MTCL1: variants seen among roughly 807,000 people sequenced by gnomAD.
MTCL1 encodes microtubule crosslinking factor 1, also known as microtubule cross-linking factor 1.
Under a neutral mutation model 141.4 loss-of-function variants are expected in MTCL1, and 79 were observed. The ratio of observed to expected loss-of-function variants is 0.56; its 90% CI spans 0.47 to 0.67. MTCL1 has a LOEUF of 0.67. MTCL1 is among the 30% of genes least tolerant of loss of function. The probability of loss-of-function intolerance (pLI) is 0.00; values close to 1 mark genes in which losing one functional copy is unlikely to be tolerated. For synonymous variants in MTCL1, 914 were observed against 875.8 expected (o/e 1.04, Z -0.77); for missense variants, 2,177 against 2,113.9 (o/e 1.03, Z -0.59).
At chr18:8,824,585 T>G in intron 14 of MTCL1, 114 bp from the exon 14 acceptor site, 1 of 788,676 alleles carries the variant, frequency 1.3e-6, no homozygotes, top group Non-Finnish European at 2.0e-6. Context: ...TCTCCTGGTG[T>G]GGGTGGCAGC....
intron 7 of MTCL1, chr18:8,786,418 A>C: frequency 1.9e-6 from 1 of 536,684 alleles, no homozygotes; most frequent in East Asian, 4.4e-5. Context: ...GTCGCAGAGA[A>C]AGAAGGGATG....
In MTCL1 at chr18:8,828,797, A is replaced by G; in HGVS notation, c.4723-111A>G. The G allele has an allele frequency of 6.4e-7, 1 of 1,551,156 alleles. No homozygotes were observed. The highest frequency in any genetic ancestry group is 1.2e-5 in the South Asian group (1 of 84,932). On this transcript the variant is annotated intron_variant, in intron 15 of 16. Coordinates refer to ENST00000359865, the Ensembl canonical transcript of MTCL1. The surrounding 1 kb of genome is among the most constrained non-coding windows in gnomAD (Gnocchi z 5.2). ...TGGTGGCTACCCCTGAGCGAGAGGG[A>G]TGGTCCTCTACCTCCGGGCTTGCTG...
exon 9 of MTCL1, chr18:8,796,450 G>A: frequency 6.2e-7 from 1 of 1,614,126 alleles, no homozygotes; most frequent in Non-Finnish European, 8.5e-7. Context: ...AGGAAGGAGA[G>A]GAGTTCACTG....
At chr18:8,757,545 G>A (rs1314156585) in intron 4 of MTCL1, among the ~76,000 whole-genome samples, 4 of 152,216 alleles carry the variant, frequency 2.6e-5, no homozygotes, top group African/African-American at 9.6e-5. Context: ...ACCTGTCATC[G>A]TGTGAGCATC....
intron 4 of MTCL1, among the ~76,000 whole-genome samples, chr18:8,756,657 C>G (rs1011304568): frequency 2.6e-5 from 4 of 151,816 alleles, no homozygotes; most frequent in African/African-American, 7.3e-5. Context: ...AAATTTAGAG[C>G]CTTTAAAGGT....
At chr18:8,807,289 A>G (rs577995023) in intron 11 of MTCL1, among the ~76,000 whole-genome samples, 8 of 152,310 alleles carry the variant, frequency 5.3e-5, no homozygotes, top group African/African-American at 1.9e-4. Flanking sequence ...TTTTCAGAGC[A>G]GCATGTATTC....
intron 13 of MTCL1, among the ~76,000 whole-genome samples, chr18:8,821,136 G>A (rs541828675): frequency 4.7e-4 from 72 of 152,278 alleles, no homozygotes; most frequent in African/African-American, 1.6e-3. Context: ...TACAAATCCC[G>A]CTTTGAAATT....
At chr18:8,774,695 C>T (rs2096498500) in intron 4 of MTCL1, among the ~76,000 whole-genome samples, 1 of 152,196 alleles carries the variant, frequency 6.6e-6, no homozygotes, top group South Asian at 2.1e-4. Context: ...ACCGTGTTGG[C>T]CAGGCCAGTG....
chr18:8,768,278 T>C (rs539581554), intron 4 of MTCL1, among the ~76,000 whole-genome samples: 1 of 152,386 alleles, frequency 6.6e-6, no homozygotes, highest in South Asian at 2.1e-4. Flanking sequence ...TAGATGCCTA[T>C]TCACTTTCTC....
At position 8,784,858 on chromosome 18, in the gene MTCL1, G is replaced by A; in HGVS notation, c.1731+15G>A. 1.3e-6 allele frequency: 2 copies of A among 1,560,610 alleles called. No individual in the cohort carries two copies. The highest frequency in any genetic ancestry group is 1.7e-6 in the Non-Finnish European group (2 of 1,152,136). On this transcript the variant is annotated intron_variant, in intron 6 of 16. Coordinates refer to ENST00000359865, the Ensembl canonical transcript of MTCL1. ...CAGACTTGCAGGTAAGGGGGCTCGT[G>A]GCTTCGCCTCCCTGCTCCGCCTTGC...
chr18:8,798,184 C>T lies in MTCL1; in HGVS notation c.2329C>T (p.Arg777Ter), dbSNP rs759115819. ...GGATGGCCCAGACCACGACAGTGAC[C>T]GAGGCTGTGGCTTTCCAGTGGGGGA... The change falls in exon 10 of 17, where the codon CGA becomes TGA. Residue 777 changes from arginine (R) to a stop codon, truncating the protein, a stop_gained. Transcript: ENST00000359865. LOFTEE classifies it high-confidence loss of function. The T allele has an allele frequency of 5.6e-6, 9 of 1,598,724 alleles. No individual in the cohort carries two copies. Among genetic ancestry groups the T allele is most frequent in the African/African-American group, 2.7e-5 (2 of 73,796 alleles).
In MTCL1 at chr18:8,705,758, C is replaced by T. The variant is rs1307906720; in HGVS notation, c.98C>T (p.Ala33Val). Residue 33 changes from alanine to valine, a missense_variant, in exon 1 of 14, where the codon GCC becomes GTC. Coordinates refer to the MTCL1 transcript ENST00000306329. This position sits in a 1 kb window ranked among gnomAD's most constrained non-coding sequence, Gnocchi z 5.2. Reference sequence around the variant, plus strand: ...CGCCACCACCACCTCCACCCGGTGGCCGAAAGGCGGCGGCTGCACCGTGCG... The same window carrying T: ...CGCCACCACCACCTCCACCCGGTGGTCGAAAGGCGGCGGCTGCACCGTGCG... 6 of 1,202,566 alleles carry T rather than the reference C, an allele frequency of 5.0e-6. No individual in the cohort carries two copies. The highest frequency in any genetic ancestry group is 6.2e-6 in the Non-Finnish European group (6 of 968,766). 74.5% of individuals were successfully genotyped at this position (1,202,566 alleles called of 1,614,324 possible). A position where few individuals can be genotyped will look rare whatever the true frequency, so the allele number is the denominator to read the frequency against.
At chr18:8,787,527 A>G (rs2075560445) in intron 7 of MTCL1, among the ~76,000 whole-genome samples, 2 of 152,252 alleles carry the variant, frequency 1.3e-5, no homozygotes, top group South Asian at 4.1e-4. Flanking sequence ...GTGTGTTTCT[A>G]AAGAGTCACT....
rs527613639 is a variant in MTCL1 at position 8,712,084 on chromosome 18, C to A, written c.1053+5371C>A. On this transcript the variant is annotated intron_variant, in intron 1 of 13. Transcript: ENST00000306329. The stretch of plus-strand genomic sequence containing the variant: ...AGCAGCCATAACCCCACACCTCCCC[C>A]ACCCCCAAATAGTGTCCTCTTGCCA... Among the ~76,000 whole-genome samples the A allele has an allele frequency of 3.0e-4, 45 of 152,302 alleles. No individual in the cohort carries two copies. The East Asian group carries it at 7.9e-3, about 27-fold the overall frequency.
chr18:8,728,775 G>A lies in MTCL1; in HGVS notation c.357+8279G>A, dbSNP rs1329354757. 4.6e-5 allele frequency among the ~76,000 whole-genome samples: 2 copies of A among 43,774 alleles called. 1 individual carries two copies. The highest frequency in any genetic ancestry group is 3.7e-4 in the African/African-American group (2 of 5,428). The allele number at this position is 43,774 out of a possible 152,430, so 28.7% of individuals were successfully genotyped here. ...AGACGGAGTCTCGCTCTGTCGCCCAGGCTGGAGTGCAGTGGCGTGATTGAT... is the reference window on the plus strand; with the variant it reads ...AGACGGAGTCTCGCTCTGTCGCCCAAGCTGGAGTGCAGTGGCGTGATTGAT... On this transcript the variant is annotated intron_variant, in intron 4 of 16. Coordinates refer to ENST00000359865, the Ensembl canonical transcript of MTCL1.
chr18:8,805,767 C>T (rs1868367678), intron 10 of MTCL1, among the ~76,000 whole-genome samples: 1 of 152,096 alleles, frequency 6.6e-6, no homozygotes, highest in African/African-American at 2.4e-5. Flanking sequence ...CATACATGCA[C>T]CAAAAAAGAA....
exon 15 of MTCL1, chr18:8,825,853 ACAT>A (rs1568113822): frequency 6.2e-7 from 1 of 1,614,064 alleles, no homozygotes; most frequent in Non-Finnish European, 8.5e-7. Flanking sequence ...AGCCTCTTCA[ACAT>A]CATTGACCAC....
intron 16 of MTCL1, 144 bp from the exon 15 acceptor site, chr18:8,831,463 G>C: frequency 6.9e-7 from 1 of 1,441,692 alleles, no homozygotes. Context: ...TTCTGCATGA[G>C]CATAGAAAGT....
chr18:8,815,678 A>C (rs896803217), intron 12 of MTCL1, among the ~76,000 whole-genome samples: 1 of 152,066 alleles, frequency 6.6e-6, no homozygotes, highest in Non-Finnish European at 1.5e-5. Flanking sequence ...AGTGACTTAA[A>C]GATGAACCAC....
Sources: gnomAD v4.1 joint callset for allele counts (sites outside exome capture counted in the v4.1 genomes callset) on GRCh38, gnomAD v4.1.1 for gene constraint, Gnocchi (gnomAD v3.1) non-coding constraint, MANE v1.5 for transcripts, NCBI Gene and HGNC (gene_info 2026-07-23, HGNC 2026-07-21) for gene names.